The following DOK6 variants were observed in gnomAD, a reference collection of about 807,000 sequenced individuals.
DOK6 encodes downstream of tyrosine kinase 6.
A neutral mutation model predicts 44.0 loss-of-function variants in DOK6; 22 were observed. The ratio of observed to expected loss-of-function variants is 0.50; its 90% CI spans 0.36 to 0.71. The LOEUF (loss-of-function observed/expected upper bound fraction) is 0.71, where lower values mean the gene tolerates loss of function less well. Among genes scored for constraint, DOK6 ranks in the 30% least tolerant of loss-of-function variants. DOK6 has a pLI of 0.00. For missense variants in DOK6, 340 were observed against 416.4 expected (o/e 0.82, Z 1.60); for synonymous variants, 166 against 145.5 (o/e 1.14, Z -1.01).
chr18:69,803,737 T>A (rs1390625222), intron 7 of DOK6, among the ~76,000 whole-genome samples: 1 of 152,106 alleles, frequency 6.6e-6, no homozygotes, highest in Non-Finnish European at 1.5e-5. Context: ...TGGACGCCTG[T>A]AGTCCCAGCT....
intron 7 of DOK6, among the ~76,000 whole-genome samples, chr18:69,810,026 G>A (rs960007107): frequency 5.3e-5 from 8 of 151,868 alleles, no homozygotes; most frequent in Admixed American, 2.0e-4. Context: ...AATAGCCAAA[G>A]TAATGTTGAA....
At chr18:69,550,301 C>A (rs968125871) in intron 1 of DOK6, among the ~76,000 whole-genome samples, 6 of 151,986 alleles carry the variant, frequency 3.9e-5, no homozygotes, top group Admixed American at 3.9e-4. Flanking sequence ...TGGAAAGTAG[C>A]ACTGATGAAA....
At position 69,712,088 on chromosome 18, in the gene DOK6, C is replaced by T. The variant is rs371362321; in HGVS notation, c.599+13495C>T. On this transcript the variant is annotated intron_variant, in intron 5 of 7. Coordinates refer to ENST00000382713, the MANE Select transcript of DOK6 (RefSeq NM_152721.6). ...CGAGGTCAGGAGATCGAGACCATCC[C>T]GGCTAAAACGGTGAAACCCCGTCTC... Among the ~76,000 whole-genome samples the T allele has an allele frequency of 9.1e-3, 1,358 of 149,842 alleles. 19 individuals are homozygous for T. The highest frequency in any genetic ancestry group is 0.03 in the African/African-American group (1,224 of 40,786).
At chr18:69,549,818 A>G (rs1227171617) in intron 1 of DOK6, among the ~76,000 whole-genome samples, 1 of 150,666 alleles carries the variant, frequency 6.6e-6, no homozygotes, top group Admixed American at 6.6e-5. Context: ...TACATTTTTT[A>G]TTTGAAAGAA....
chr18:69,429,325 CAT>C (rs565817661), intron 1 of DOK6, among the ~76,000 whole-genome samples: 35 of 151,986 alleles, frequency 2.3e-4, no homozygotes, highest in African/African-American at 8.0e-4. Flanking sequence ...CTTTGGAGAA[CAT>C]GTGGTTCTGC....
At chr18:69,619,918 T>A (rs1044048368) in intron 3 of DOK6, among the ~76,000 whole-genome samples, 1 of 152,192 alleles carries the variant, frequency 6.6e-6, no homozygotes, top group African/African-American at 2.4e-5. Flanking sequence ...TGATTGTGTC[T>A]TGGTAAGAAA....
At chr18:69,641,700 T>C (rs1425672717) in intron 3 of DOK6, among the ~76,000 whole-genome samples, 6 of 152,218 alleles carry the variant, frequency 3.9e-5, no homozygotes, top group Admixed American at 3.9e-4. Context: ...TATTTTAGAA[T>C]GTGGTCTCCT....
intron 2 of DOK6, among the ~76,000 whole-genome samples, chr18:69,567,288 A>G (rs775133656): frequency 2.6e-5 from 4 of 152,158 alleles, no homozygotes; most frequent in Non-Finnish European, 4.4e-5. Flanking sequence ...ACATAAAACA[A>G]TGTAAATATG....
chr18:69,419,902 A>G (rs1195161510), intron 1 of DOK6, among the ~76,000 whole-genome samples: 1 of 152,162 alleles, frequency 6.6e-6, no homozygotes, highest in African/African-American at 2.4e-5. Flanking sequence ...TCATAGAGGC[A>G]CTTTGTAATA....
At chr18:69,830,374 G>T (rs915315301) in intron 7 of DOK6, among the ~76,000 whole-genome samples, 7 of 152,152 alleles carry the variant, frequency 4.6e-5, no homozygotes, top group Non-Finnish European at 1.5e-5. Context: ...AAGGTAAAAT[G>T]AGATCATATG....
At chr18:69,833,951 T>C (rs1981971494) in intron 7 of DOK6, among the ~76,000 whole-genome samples, 1 of 152,140 alleles carries the variant, frequency 6.6e-6, no homozygotes, top group Non-Finnish European at 1.5e-5. Flanking sequence ...TCAAGTGTTG[T>C]GGGAATATTA....
At chr18:69,801,147 A>G (rs1242891566) in intron 7 of DOK6, among the ~76,000 whole-genome samples, 1 of 151,480 alleles carries the variant, frequency 6.6e-6, no homozygotes, top group Non-Finnish European at 1.5e-5. Context: ...TTAGTGACTC[A>G]TGGCTTTAAG....
At position 69,845,026 on chromosome 18, in the gene DOK6, G is replaced by A. The variant is rs1182165964; in HGVS notation, c.*3643G>A. 1 of 152,122 alleles carries A rather than the reference G, an allele frequency of 6.6e-6. No individual in the cohort carries two copies. Among genetic ancestry groups the A allele is most frequent in the Non-Finnish European group, 1.5e-5 (1 of 68,030 alleles). 9.4% of individuals were successfully genotyped at this position (152,122 alleles called of 1,614,324 possible). ...TATTGCATGTCGTATCTTTATTGTA[G>A]ATATTAAAAACACATGATAAAAATT... On this transcript the variant is annotated 3_prime_UTR_variant, in exon 8 of 8. Coordinates refer to ENST00000382713, the MANE Select transcript of DOK6 (RefSeq NM_152721.6).
intron 7 of DOK6, among the ~76,000 whole-genome samples, chr18:69,823,852 CA>C (rs199663715): frequency 1.3e-5 from 2 of 151,376 alleles, no homozygotes; most frequent in Middle Eastern, 3.4e-3. Flanking sequence ...GAACTGTCTA[CA>C]AAAAAAATAG....
At chr18:69,775,967 G>A (rs1346474807) in intron 7 of DOK6, among the ~76,000 whole-genome samples, 2 of 151,864 alleles carry the variant, frequency 1.3e-5, no homozygotes, top group Non-Finnish European at 2.9e-5. Context: ...TGTATTTTAA[G>A]TTTGTACACA....
At chr18:69,459,539 A>AT (rs35981844) in intron 1 of DOK6, among the ~76,000 whole-genome samples, 34,455 of 152,086 alleles carry the variant, frequency 0.23, 4,212 homozygotes, top group Middle Eastern at 0.39. Flanking sequence ...GGAATATCAC[A>AT]TTTTAAAACA....
chr18:69,541,992 T>C (rs1982281642), intron 1 of DOK6, among the ~76,000 whole-genome samples: 1 of 151,502 alleles, frequency 6.6e-6, no homozygotes, highest in Admixed American at 6.6e-5. Flanking sequence ...TGTGAGTCCC[T>C]AGAGCTTAGT....
chr18:69,582,742 C>T (rs9966471), intron 2 of DOK6, among the ~76,000 whole-genome samples: 139,750 of 152,204 alleles, frequency 0.92, 65,376 homozygotes, highest in East Asian at 1. Context: ...ATAATTCTTA[C>T]ACATTTGTAC....
intron 2 of DOK6, among the ~76,000 whole-genome samples, chr18:69,577,312 A>G (rs372192225): frequency 4.1e-4 from 63 of 152,246 alleles, no homozygotes; most frequent in African/African-American, 1.4e-3. Flanking sequence ...ATGAGCACAT[A>G]TGTCATGCGA....
Sources: allele counts gnomAD v4.1 joint callset (sites outside exome capture counted in the v4.1 genomes callset), GRCh38; gene constraint gnomAD v4.1.1; transcripts MANE v1.5; gene names NCBI Gene and HGNC (gene_info 2026-07-23, HGNC 2026-07-21).